CSNK1G1: variants seen among roughly 807,000 people sequenced by gnomAD.
CSNK1G1 encodes casein kinase 1 gamma 1.
CSNK1G1 carries 22 observed loss-of-function variants against 59.6 expected under a neutral mutation model. The ratio of observed to expected loss-of-function variants is 0.37; its 90% CI spans 0.26 to 0.53. The LOEUF (loss-of-function observed/expected upper bound fraction) is 0.53, where lower values mean the gene tolerates loss of function less well. CSNK1G1 is among the 20% of genes least tolerant of loss of function. The pLI is 0.89. For synonymous variants in CSNK1G1, 179 were observed against 177.1 expected, an observed-to-expected ratio of 1.01 and a Z score of -0.08; for missense variants, 384 against 519.5, an observed-to-expected ratio of 0.74 and a Z score of 2.54.
At chr15:64,296,898 G>A (rs1425840446) in intron 2 of CSNK1G1, among the ~76,000 whole-genome samples, 9 of 149,016 alleles carry the variant, frequency 6.0e-5, no homozygotes, top group Admixed American at 6.0e-4. Context: ...GTATAATGGG[G>A]TGGAAACATT....
At chr15:64,304,603 T>TG (rs1828567337) in intron 1 of CSNK1G1, among the ~76,000 whole-genome samples, 1 of 152,124 alleles carries the variant, frequency 6.6e-6, no homozygotes, top group Non-Finnish European at 1.5e-5. Context: ...AAACAGTATA[T>TG]GGGAGGTTAC....
intron 1 of CSNK1G1, among the ~76,000 whole-genome samples, chr15:64,313,781 C>A (rs1271504071): frequency 4.7e-5 from 7 of 148,366 alleles, no homozygotes; most frequent in Non-Finnish European, 7.4e-5. Flanking sequence ...AAAAAAATCT[C>A]CTGCTGGGAG....
chr15:64,355,665 T>G (rs1295955558), intron 1 of CSNK1G1, among the ~76,000 whole-genome samples: 1 of 151,952 alleles, frequency 6.6e-6, no homozygotes, highest in Non-Finnish European at 1.5e-5. Flanking sequence ...TCCTTTTGGC[T>G]CCCGGGGGAT....
At position 64,204,318 on chromosome 15, in the gene CSNK1G1, C is replaced by T. The variant is rs146550515; in HGVS notation, c.999+123G>A. 117 of 819,042 alleles carry T rather than the reference C, an allele frequency of 1.4e-4. 1 individual carries two copies. The Middle Eastern group carries it at 1.8e-3, about 12-fold the overall frequency. 50.7% of individuals were successfully genotyped at this position (819,042 alleles called of 1,614,324 possible). On this transcript the variant is annotated intron_variant, in intron 9 of 11. Coordinates refer to ENST00000303052, the MANE Select transcript of CSNK1G1 (RefSeq NM_022048.5). ...ACAAGGCTAGTAAATATACAGTCTA[C>T]GATCAAAGGAATATTTTTACCAAAG...
intron 4 of CSNK1G1, among the ~76,000 whole-genome samples, chr15:64,250,766 G>GA (rs58211977): frequency 0.19 from 28,172 of 147,610 alleles, 3,501 homozygotes; most frequent in African/African-American, 0.37. Flanking sequence ...AAGAAAGAAA[G>GA]AAAAAAAAAA....
At chr15:64,323,658 C>T (rs1896686882) in intron 1 of CSNK1G1, among the ~76,000 whole-genome samples, 1 of 152,160 alleles carries the variant, frequency 6.6e-6, no homozygotes, top group Non-Finnish European at 1.5e-5. Context: ...AACCACTGTG[C>T]CTGGCCAATT....
rs531683254 is a variant in CSNK1G1 at position 64,220,007 on chromosome 15, C to T, written c.293-3294G>A. On this transcript the variant is annotated intron_variant, in intron 4 of 11. Coordinates refer to ENST00000303052, the MANE Select transcript of CSNK1G1 (RefSeq NM_022048.5). The stretch of plus-strand genomic sequence containing the variant: ...CAGGATAGTCTCGATCTCCTGACCT[C>T]GTGATCTGCCTGCCTTGGCCTCTCA... 1.2e-3 allele frequency among the ~76,000 whole-genome samples: 177 copies of T among 151,996 alleles called. 1 individual carries two copies. The highest frequency in any genetic ancestry group is 1.9e-3 in the South Asian group (9 of 4,814).
At chr15:64,325,778 C>T (rs1266608492) in intron 1 of CSNK1G1, among the ~76,000 whole-genome samples, 1 of 152,152 alleles carries the variant, frequency 6.6e-6, no homozygotes, top group African/African-American at 2.4e-5. Context: ...TGATTATTAT[C>T]ACTTTACATA....
chr15:64,316,583 G>C lies in CSNK1G1; in HGVS notation c.-224-15860C>G, dbSNP rs1444098191. Among the ~76,000 whole-genome samples, 3 of 150,256 alleles carry C rather than the reference G, an allele frequency of 2.0e-5. No homozygotes were observed. In the East Asian group the frequency reaches 5.8e-4, roughly 29 times the overall value. ...AAAAGAAAAAAAGTTAATACAGCTTGTCTATCATAAAGGGAGGAGACCACC... is the reference window on the plus strand; with the variant it reads ...AAAAGAAAAAAAGTTAATACAGCTTCTCTATCATAAAGGGAGGAGACCACC... On this transcript the variant is annotated intron_variant, in intron 1 of 11. Coordinates refer to ENST00000303052, the MANE Select transcript of CSNK1G1 (RefSeq NM_022048.5).
At chr15:64,315,314 G>C (rs1896210980) in intron 1 of CSNK1G1, among the ~76,000 whole-genome samples, 1 of 152,180 alleles carries the variant, frequency 6.6e-6, no homozygotes, top group African/African-American at 2.4e-5. Flanking sequence ...GGTGAAAGAA[G>C]ACCAGCAACG....
At chr15:64,220,990 A>T (rs1383564123) in intron 4 of CSNK1G1, among the ~76,000 whole-genome samples, 1 of 152,220 alleles carries the variant, frequency 6.6e-6, no homozygotes, top group Non-Finnish European at 1.5e-5. Context: ...ACAGAACCTA[A>T]GTCCCTGATG....
At chr15:64,252,736 C>T (rs1892160845) in intron 3 of CSNK1G1, among the ~76,000 whole-genome samples, 1 of 152,068 alleles carries the variant, frequency 6.6e-6, no homozygotes, top group Admixed American at 6.6e-5. Flanking sequence ...ATGTGGTGTT[C>T]AAGTTTCCAA....
At chr15:64,232,272 T>G (rs563796566) in intron 4 of CSNK1G1, among the ~76,000 whole-genome samples, 14 of 152,194 alleles carry the variant, frequency 9.2e-5, no homozygotes, top group Non-Finnish European at 1.9e-4. Context: ...AAAATTGATC[T>G]TTTTATTGGT....
chr15:64,343,732 A>G (rs1166897741), intron 1 of CSNK1G1, among the ~76,000 whole-genome samples: 1 of 151,164 alleles, frequency 6.6e-6, no homozygotes, highest in Admixed American at 6.6e-5. Flanking sequence ...TGAAGATATA[A>G]TCTATATCAC....
At chr15:64,299,260 T>C (rs952705543) in intron 2 of CSNK1G1, among the ~76,000 whole-genome samples, 3 of 152,120 alleles carry the variant, frequency 2.0e-5, no homozygotes, top group African/African-American at 7.2e-5. Context: ...GCCTTTTATT[T>C]TCTCTATCCC....
chr15:64,191,353 C>A (rs1367983780), intron 10 of CSNK1G1, among the ~76,000 whole-genome samples: 1 of 152,242 alleles, frequency 6.6e-6, no homozygotes, highest in East Asian at 1.9e-4. Context: ...AGCCACGGCA[C>A]CCAGCCTGCA....
chr15:64,248,264 T>A (rs900528565), intron 4 of CSNK1G1, among the ~76,000 whole-genome samples: 2 of 152,244 alleles, frequency 1.3e-5, no homozygotes, highest in African/African-American at 4.8e-5. Context: ...CTGGTGTTCA[T>A]GCTCACATTT....
intron 1 of CSNK1G1, among the ~76,000 whole-genome samples, chr15:64,324,403 CAGA>C (rs1376857239): frequency 1.3e-5 from 2 of 152,188 alleles, no homozygotes; most frequent in Non-Finnish European, 2.9e-5. Context: ...ATAAAGCAGG[CAGA>C]AGAAGACAAA....
chr15:64,242,505 A>G (rs1005919142), intron 4 of CSNK1G1, among the ~76,000 whole-genome samples: 16 of 152,198 alleles, frequency 1.1e-4, no homozygotes, highest in Non-Finnish European at 2.1e-4. Context: ...ATCAGAAGCC[A>G]AGCAGATGCC....
Sources: gnomAD v4.1 joint callset for allele counts (sites outside exome capture counted in the v4.1 genomes callset) on GRCh38, gnomAD v4.1.1 for gene constraint, MANE v1.5 for transcripts, NCBI Gene and HGNC (gene_info 2026-07-23, HGNC 2026-07-21) for gene names.